Variants in ZNF76 observed in about 807,000 individuals in gnomAD.
ZNF76 encodes the protein zinc finger protein 523.
Under a neutral mutation model 66.9 loss-of-function variants are expected in ZNF76, and 66 were observed. That is an observed-to-expected ratio of 0.99 (90% CI 0.81 to 1.21). ZNF76 has a LOEUF of 1.21. Among genes scored for constraint, ZNF76 ranks in the 50% most tolerant of loss-of-function variants. The pLI is 0.00. For synonymous variants in ZNF76, 275 were observed against 296.1 expected (o/e 0.93, Z 0.73); for missense variants, 729 against 760.3 (o/e 0.96, Z 0.48).
At chr6:35,267,332 A>G (rs547987400) in intron 1 of ZNF76, among the ~76,000 whole-genome samples, 296 of 151,814 alleles carry the variant, frequency 1.9e-3, no homozygotes, top group African/African-American at 6.8e-3. Flanking sequence ...TCCTGGGCTC[A>G]AGCCTCCACC....
chr6:35,286,042 CAAAT>C, intron 2 of ZNF76, 82 bp from the exon 3 acceptor site: 6 of 1,284,082 alleles, frequency 4.7e-6, no homozygotes, highest in Non-Finnish European at 5.6e-6. Flanking sequence ...CCTAGAGACT[CAAAT>C]AAGCCTCAGC....
At position 35,281,111 on chromosome 6, in the gene ZNF76, G is replaced by C. The variant is rs1351666310; in HGVS notation, c.-41G>C. 1 of 1,605,762 alleles carries C rather than the reference G, an allele frequency of 6.2e-7. No individual in the cohort carries two copies. The highest frequency in any genetic ancestry group is 1.7e-5 in the Admixed American group (1 of 60,020). ...CAGCTGTGGCTCTTGGTGCTGGCCA[G>C]AAGCCAACTTCATGTCTGAGTGCAC... On this transcript the variant is annotated 5_prime_UTR_variant, in exon 2 of 14. Coordinates refer to ENST00000373953, the MANE Select transcript of ZNF76 (RefSeq NM_003427.5).
chr6:35,266,967 A>AT (rs1341628710), intron 1 of ZNF76, among the ~76,000 whole-genome samples: 1 of 150,326 alleles, frequency 6.7e-6, no homozygotes, highest in Non-Finnish European at 1.5e-5. Context: ...CGCCCGGCTA[A>AT]TTTTTGTATT....
chr6:35,291,118 G>T, intron 7 of ZNF76, 160 bp from the exon 8 acceptor site: 1 of 866,864 alleles, frequency 1.2e-6, no homozygotes, highest in Non-Finnish European at 1.7e-6. Context: ...AAGCAGGGCA[G>T]AGTGGGCTTT....
rs1789754794 is a variant in ZNF76 at position 35,287,606 on chromosome 6, C to T, written c.233-40C>T. The stretch of plus-strand genomic sequence containing the variant: ...GCTAGGGTCCCAGCTGTATCTCTTC[C>T]CCTTGTGTGGCATCAGGGCTAACCG... On this transcript the variant is annotated intron_variant, in intron 4 of 13. Transcript: ENST00000373953. This position sits in a 1 kb window ranked among gnomAD's most constrained non-coding sequence, Gnocchi z 4.0. 8 of 1,554,116 alleles carry T rather than the reference C, an allele frequency of 5.1e-6. No individual in the cohort carries two copies. Among genetic ancestry groups the T allele is most frequent in the Non-Finnish European group, 7.0e-6 (8 of 1,146,466 alleles).
intron 2 of ZNF76, among the ~76,000 whole-genome samples, chr6:35,285,206 T>C (rs1282894476): frequency 6.6e-6 from 1 of 152,196 alleles, no homozygotes; most frequent in African/African-American, 2.4e-5. Flanking sequence ...ATGCTGCTTG[T>C]TGTGTTGCCT....
chr6:35,273,315 G>T (rs1787410103), intron 1 of ZNF76, among the ~76,000 whole-genome samples: 1 of 150,892 alleles, frequency 6.6e-6, no homozygotes. Context: ...TGGGATTGCA[G>T]GCGTGCACCA....
At position 35,293,819 on chromosome 6, in the gene ZNF76, CA is replaced by C; in HGVS notation, c.1399del (p.Thr467ProfsTer48). On this transcript the variant is annotated frameshift_variant, in exon 12 of 14. Coordinates refer to ENST00000373953, the MANE Select transcript of ZNF76 (RefSeq NM_003427.5). LOFTEE classifies it high-confidence loss of function. ...AISMVTQHGS[T>X]TLTIPSPDAD... ...TCAGTATGGTCACCCAGCACGGCAG[CA>C]CCACCCTCACCATCCCCAGTCCTGA... The C allele has an allele frequency of 6.2e-7, 1 of 1,614,156 alleles. No individual in the cohort carries two copies. The highest frequency in any genetic ancestry group is 8.5e-7 in the Non-Finnish European group (1 of 1,180,034).
chr6:35,260,247 C>G (rs1055856344), intron 1 of ZNF76, among the ~76,000 whole-genome samples: 2 of 152,044 alleles, frequency 1.3e-5, no homozygotes, highest in Admixed American at 6.6e-5. Flanking sequence ...CCTGAGATCC[C>G]CACACTCCTC....
chr6:35,288,516 A>G (rs1789925118), intron 5 of ZNF76, among the ~76,000 whole-genome samples: 1 of 152,254 alleles, frequency 6.6e-6, no homozygotes, highest in African/African-American at 2.4e-5. Flanking sequence ...TGGAATGACT[A>G]CAGAGCCTCA....
At chr6:35,290,161 C>T in intron 5 of ZNF76, 105 bp from the exon 6 acceptor site, 1 of 1,459,284 alleles carries the variant, frequency 6.9e-7, no homozygotes, top group Non-Finnish European at 9.3e-7. Context: ...AGGCCCCTGA[C>T]AGGTTTAACC....
At position 35,272,896 on chromosome 6, in the gene ZNF76, G is replaced by C. The variant is rs148551304; in HGVS notation, c.-96-8160G>C. On this transcript the variant is annotated intron_variant, in intron 1 of 13. Transcript: ENST00000373953. ...CGGCTGGGCATGGTGGCTCATGCCT[G>C]TAATCCCAGCACTTTGGGAGGCTAA... Among the ~76,000 whole-genome samples, 612 of 152,146 alleles carry C rather than the reference G, an allele frequency of 4.0e-3. 3 individuals are homozygous for C. Among genetic ancestry groups the C allele is most frequent in the African/African-American group, 0.013 (551 of 41,530 alleles).
chr6:35,271,399 T>G (rs1397061218), intron 1 of ZNF76, among the ~76,000 whole-genome samples: 2 of 152,260 alleles, frequency 1.3e-5, no homozygotes, highest in Admixed American at 6.5e-5. Context: ...TGCTGCACAG[T>G]GGCTCACGCC....
chr6:35,274,509 C>T (rs865831250), intron 1 of ZNF76, among the ~76,000 whole-genome samples: 1 of 152,202 alleles, frequency 6.6e-6, no homozygotes, highest in Non-Finnish European at 1.5e-5. Flanking sequence ...CCTTATTTTT[C>T]TCCTTTGAGG....
At chr6:35,279,086 A>G (rs2045523466) in intron 1 of ZNF76, 3 of 152,326 alleles carry the variant, frequency 2.0e-5, no homozygotes, top group South Asian at 2.1e-4. Context: ...GTAGGAAACT[A>G]TGGAAGGGTT....
At chr6:35,294,329 A>G (rs1429099326) in intron 12 of ZNF76, 127 bp from the exon 13 acceptor site, 1 of 681,782 alleles carries the variant, frequency 1.5e-6, no homozygotes, top group East Asian at 2.7e-5. Context: ...AATTAATCTG[A>G]CCCATACGGT....
chr6:35,274,458 C>G (rs889352306), intron 1 of ZNF76, among the ~76,000 whole-genome samples: 3 of 152,222 alleles, frequency 2.0e-5, no homozygotes, highest in African/African-American at 7.2e-5. Context: ...TGGAAAAACA[C>G]AAAAACCATG....
intron 5 of ZNF76, chr6:35,288,070 C>T (rs1197019290): frequency 1.4e-6 from 1 of 694,612 alleles, no homozygotes; most frequent in Non-Finnish European, 2.6e-6. Context: ...TGGCCGCTGA[C>T]AGCTGTTTAC....
intron 1 of ZNF76, among the ~76,000 whole-genome samples, chr6:35,279,567 A>G (rs898864265): frequency 1.3e-5 from 2 of 151,730 alleles, no homozygotes; most frequent in Admixed American, 6.6e-5. Context: ...AGCTGGGACT[A>G]CAGGTGCCCA....
Sources: gnomAD v4.1 joint callset for allele counts (sites outside exome capture counted in the v4.1 genomes callset) on GRCh38, gnomAD v4.1.1 for gene constraint, Gnocchi (gnomAD v3.1) non-coding constraint, MANE v1.5 for transcripts, NCBI Gene and HGNC (gene_info 2026-07-23, HGNC 2026-07-21) for gene names.